The following TECRL variants were observed in gnomAD, a reference collection of about 807,000 sequenced individuals.
The protein encoded by TECRL is trans-2,3-enoyl-CoA reductase-like.
In TECRL, 63 loss-of-function variants were observed where a neutral mutation model predicts 52.8. The observed-to-expected ratio is 1.19, with a 90% CI of 0.97 to 1.47. TECRL has a LOEUF of 1.47. TECRL is among the 40% of genes most tolerant of loss of function. The probability of loss-of-function intolerance (pLI) is 0.00; values close to 1 mark genes in which losing one functional copy is unlikely to be tolerated. For missense variants in TECRL, 482 were observed against 429.6 expected, an observed-to-expected ratio of 1.12 and a Z score of -1.08; for synonymous variants, 164 against 141.9, an observed-to-expected ratio of 1.16 and a Z score of -1.10.
intron 2 of TECRL, among the ~76,000 whole-genome samples, chr4:64,354,218 A>G (rs936304829): frequency 2.0e-5 from 3 of 152,192 alleles, no homozygotes; most frequent in Non-Finnish European, 4.4e-5. Context: ...AAAAATTTTG[A>G]TAAAAGAACA....
At chr4:64,387,145 G>A (rs1601076) in intron 1 of TECRL, among the ~76,000 whole-genome samples, 90,153 of 151,980 alleles carry the variant, frequency 0.59, 30,643 homozygotes, top group Non-Finnish European at 0.75. Flanking sequence ...TTCCCAGAAA[G>A]TCATATGGTT....
At chr4:64,351,951 T>C (rs1720422078) in intron 2 of TECRL, among the ~76,000 whole-genome samples, 1 of 152,162 alleles carries the variant, frequency 6.6e-6, no homozygotes, top group Non-Finnish European at 1.5e-5. Context: ...AGATCCTTAA[T>C]GCAAAATAAG....
Position 64,337,423 on chromosome 4 carries a change from C to T in TECRL, c.287-8867G>A, listed in dbSNP as rs189547297. ...TTCAACATAGTGTTGGAAGTTCTGGCCAGGGCAATTAGGCAGGAGAAAGAA... is the reference window on the plus strand; with the variant it reads ...TTCAACATAGTGTTGGAAGTTCTGGTCAGGGCAATTAGGCAGGAGAAAGAA... On this transcript the variant is annotated intron_variant, in intron 2 of 11. Coordinates refer to ENST00000381210, the MANE Select transcript of TECRL (RefSeq NM_001010874.5). Among the ~76,000 whole-genome samples the T allele has an allele frequency of 8.8e-3, 1,342 of 152,164 alleles. 16 individuals are homozygous for T. The highest frequency in any genetic ancestry group is 0.031 in the African/African-American group (1,276 of 41,498).
chr4:64,336,477 T>A (rs1203457628), intron 2 of TECRL, among the ~76,000 whole-genome samples: 1 of 152,218 alleles, frequency 6.6e-6, no homozygotes, highest in African/African-American at 2.4e-5. Flanking sequence ...TACATTGATT[T>A]TTTGAAGGGT....
chr4:64,368,421 G>T (rs2062192), intron 2 of TECRL, among the ~76,000 whole-genome samples: 98,619 of 151,838 alleles, frequency 0.65, 33,553 homozygotes, highest in Non-Finnish European at 0.75. Flanking sequence ...TCAGCCTCCT[G>T]AGTAGCTGGG....
At position 64,324,478 on chromosome 4, in the gene TECRL, C is replaced by T. The variant is rs867147518; in HGVS notation, c.332-1686G>A. On this transcript the variant is annotated intron_variant, in intron 3 of 11. Transcript: ENST00000381210. ...TCATTAAAAGGCATCATTCCAGTCT[C>T]TATTTTTGAAATAAATAAAAAAAGT... Among the ~76,000 whole-genome samples the T allele has an allele frequency of 5.3e-5, 8 of 151,898 alleles. No individual in the cohort carries two copies. The Middle Eastern group carries it at 0.025, about 482-fold the overall frequency.
chr4:64,381,381 T>C (rs867092883), intron 1 of TECRL, among the ~76,000 whole-genome samples: 6 of 151,932 alleles, frequency 3.9e-5, no homozygotes, highest in Admixed American at 1.3e-4. Context: ...CCTTTTTTTT[T>C]TTCTTCTTTT....
rs905793134 is a variant in TECRL, at chr4:64,332,111, C to T, written c.287-3555G>A. 5.3e-5 allele frequency among the ~76,000 whole-genome samples: 8 copies of T among 152,068 alleles called. 1 individual carries two copies. The East Asian group carries it at 1.5e-3, about 29-fold the overall frequency. ...TCAGAAAGCTGAGTCTAGCAACTACCCTTAGCCACATTCCCCTAAGGGTAT... is the reference window on the plus strand; with the variant it reads ...TCAGAAAGCTGAGTCTAGCAACTACTCTTAGCCACATTCCCCTAAGGGTAT... On this transcript the variant is annotated intron_variant, in intron 2 of 11. Transcript: ENST00000381210.
At chr4:64,388,602 A>G (rs1463437530) in intron 1 of TECRL, among the ~76,000 whole-genome samples, 3 of 151,876 alleles carry the variant, frequency 2.0e-5, no homozygotes, top group Admixed American at 6.6e-5. Flanking sequence ...ACATCTGTAC[A>G]TCTATTTGGA....
intron 7 of TECRL, chr4:64,304,921 G>A (rs1432972385): frequency 3.4e-6 from 1 of 292,758 alleles, no homozygotes; most frequent in Non-Finnish European, 6.3e-6. Context: ...CATTTTATTA[G>A]CTGTTTTTTT....
chr4:64,347,591 G>A (rs550845914), intron 2 of TECRL, among the ~76,000 whole-genome samples: 16 of 152,310 alleles, frequency 1.1e-4, no homozygotes, highest in African/African-American at 3.6e-4. Flanking sequence ...CAAAGGGGAA[G>A]CAGGCACCTT....
intron 9 of TECRL, among the ~76,000 whole-genome samples, chr4:64,288,324 T>C (rs1723187915): frequency 6.6e-6 from 1 of 152,010 alleles, no homozygotes; most frequent in South Asian, 2.1e-4. Context: ...CTATCAGAAG[T>C]TGACATTGAC....
At chr4:64,277,224 T>C (rs940463968), downstream of TECRL, among the ~76,000 whole-genome samples, 6 of 151,876 alleles carry the variant, frequency 4.0e-5, no homozygotes, top group African/African-American at 1.4e-4. Flanking sequence ...GTCATATAGG[T>C]ACCCCATACT....
intron 8 of TECRL, among the ~76,000 whole-genome samples, chr4:64,298,679 A>T (rs143058823): frequency 4.6e-5 from 7 of 151,380 alleles, no homozygotes; most frequent in African/African-American, 1.7e-4. Context: ...TCTTAATTAC[A>T]CAGAAAAAAA....
chr4:64,319,150 G>C (rs1236588963), intron 4 of TECRL, among the ~76,000 whole-genome samples: 1 of 151,290 alleles, frequency 6.6e-6, no homozygotes, highest in Non-Finnish European at 1.5e-5. Flanking sequence ...TAAAATAGAA[G>C]ATATAAATAC....
intron 1 of TECRL, among the ~76,000 whole-genome samples, chr4:64,386,260 G>A (rs1210828899): frequency 1.3e-5 from 2 of 152,024 alleles, no homozygotes; most frequent in African/African-American, 4.8e-5. Context: ...TATTCTCAAA[G>A]TAAGCTAGAG....
At chr4:64,356,204 G>A (rs990170084) in intron 2 of TECRL, among the ~76,000 whole-genome samples, 2 of 152,168 alleles carry the variant, frequency 1.3e-5, no homozygotes, top group South Asian at 2.1e-4. Context: ...CTGGAAAGCC[G>A]GGTATTGTCC....
At chr4:64,407,523 G>T (rs1456695476) in intron 1 of TECRL, among the ~76,000 whole-genome samples, 4 of 151,358 alleles carry the variant, frequency 2.6e-5, no homozygotes. Flanking sequence ...TTAAGTAAAA[G>T]AACATTTAAA....
chr4:64,366,496 A>T (rs1007951772), intron 2 of TECRL, among the ~76,000 whole-genome samples: 2 of 152,112 alleles, frequency 1.3e-5, no homozygotes, highest in Non-Finnish European at 2.9e-5. Flanking sequence ...ATGGGAGAAA[A>T]TATTTGCAAA....
Sources: gnomAD v4.1 joint callset for allele counts (sites outside exome capture counted in the v4.1 genomes callset) on GRCh38, gnomAD v4.1.1 for gene constraint, MANE v1.5 for transcripts, NCBI Gene and HGNC (gene_info 2026-07-23, HGNC 2026-07-21) for gene names.